The following MCTP1 variants were observed in gnomAD, a reference collection of about 807,000 sequenced individuals.
MCTP1 encodes multiple C2 and transmembrane domain containing 1, also known as multiple C2 and transmembrane domain-containing protein 1.
MCTP1 carries 69 observed loss-of-function variants against 120.6 expected under a neutral mutation model. The observed-to-expected ratio is 0.57, with a 90% CI of 0.47 to 0.70. The LOEUF (loss-of-function observed/expected upper bound fraction) is 0.70. MCTP1 is among the 30% of genes least tolerant of loss of function. MCTP1 has a pLI of 0.00. For synonymous variants in MCTP1, 529 were observed against 493.1 expected (o/e 1.07, Z -0.96); for missense variants, 1,203 against 1,248.8 (o/e 0.96, Z 0.55).
intron 1 of MCTP1, among the ~76,000 whole-genome samples, chr5:95,024,664 C>A (rs1454428113): frequency 6.6e-6 from 1 of 151,594 alleles, no homozygotes; most frequent in African/African-American, 2.4e-5. Flanking sequence ...CACACACACA[C>A]ACACACACAC....
intron 1 of MCTP1, among the ~76,000 whole-genome samples, chr5:95,222,267 T>C (rs1753777468): frequency 6.6e-6 from 1 of 152,196 alleles, no homozygotes; most frequent in African/African-American, 2.4e-5. Flanking sequence ...CACATGGCTA[T>C]GCCTAGCTGC....
chr5:94,878,418 T>C (rs74944162), intron 12 of MCTP1, among the ~76,000 whole-genome samples: 4,976 of 152,124 alleles, frequency 0.033, 286 homozygotes, highest in African/African-American at 0.11. Flanking sequence ...TAATAAGACT[T>C]CTTTTTTTCT....
chr5:94,967,231 T>A (rs1034079411), intron 2 of MCTP1, among the ~76,000 whole-genome samples: 3 of 152,202 alleles, frequency 2.0e-5, no homozygotes, highest in African/African-American at 7.2e-5. Context: ...GTAGAGATGG[T>A]TCCTAGAATC....
intron 1 of MCTP1, among the ~76,000 whole-genome samples, chr5:95,023,191 G>T (rs1197283898): frequency 6.6e-6 from 1 of 152,186 alleles, no homozygotes; most frequent in Non-Finnish European, 1.5e-5. Context: ...CCAGGCTCCA[G>T]TGAACACACA....
chr5:94,891,466 A>C (rs1802591337), intron 11 of MCTP1, among the ~76,000 whole-genome samples: 1 of 152,206 alleles, frequency 6.6e-6, no homozygotes, highest in Non-Finnish European at 1.5e-5. Flanking sequence ...GTTTTATCAA[A>C]AAAAGGTTTC....
intron 18 of MCTP1, among the ~76,000 whole-genome samples, chr5:94,786,029 G>A (rs770754960): frequency 1.9e-4 from 29 of 152,028 alleles, no homozygotes; most frequent in Non-Finnish European, 3.7e-4. Flanking sequence ...ACTACACTTT[G>A]GGAACATTAG....
At chr5:94,905,945 CAAGA>C in intron 10 of MCTP1, among the ~76,000 whole-genome samples, 1 of 151,966 alleles carries the variant, frequency 6.6e-6, no homozygotes, top group Non-Finnish European at 1.5e-5. Flanking sequence ...GCAAAGGAGA[CAAGA>C]AAGAGCATGC....
chr5:94,968,140 T>C (rs1044865075), intron 2 of MCTP1, among the ~76,000 whole-genome samples: 1 of 152,200 alleles, frequency 6.6e-6, no homozygotes, highest in South Asian at 2.1e-4. Context: ...CACTAATCTA[T>C]GTTTGAAAGT....
chr5:95,168,287 T>C (rs1487731172), intron 1 of MCTP1, among the ~76,000 whole-genome samples: 1 of 152,234 alleles, frequency 6.6e-6, no homozygotes, highest in Non-Finnish European at 1.5e-5. Flanking sequence ...CATGCTGTTT[T>C]GGTTACTGTA....
At chr5:94,963,827 A>T (rs886436168) in intron 2 of MCTP1, among the ~76,000 whole-genome samples, 3 of 152,068 alleles carry the variant, frequency 2.0e-5, no homozygotes, top group African/African-American at 7.2e-5. Context: ...ATGTATTCCC[A>T]TGTACCTATC....
At chr5:95,031,070 ATC>A (rs1035007534) in intron 1 of MCTP1, among the ~76,000 whole-genome samples, 1 of 152,136 alleles carries the variant, frequency 6.6e-6, no homozygotes, top group African/African-American at 2.4e-5. Flanking sequence ...CTTTCAAATT[ATC>A]TGAGTCAGAC....
chr5:94,842,284 C>A (rs1322511729), intron 17 of MCTP1, among the ~76,000 whole-genome samples: 1 of 152,082 alleles, frequency 6.6e-6, no homozygotes, highest in East Asian at 1.9e-4. Flanking sequence ...TATTGAGAGA[C>A]TATTAGTATT....
chr5:94,811,908 A>G (rs954163855), intron 17 of MCTP1, among the ~76,000 whole-genome samples: 2 of 152,130 alleles, frequency 1.3e-5, no homozygotes, highest in African/African-American at 4.8e-5. Flanking sequence ...TGACATGGAG[A>G]TGCCGAGATG....
Position 94,909,287 on chromosome 5 carries a change from T to C in MCTP1, c.1616A>G (p.Asp539Gly). 6.2e-7 allele frequency: 1 copy of C among 1,611,758 alleles called. No homozygotes were observed. Among genetic ancestry groups the C allele is most frequent in the South Asian group, 1.1e-5 (1 of 90,526 alleles). ...RGGVIDITAW[D>G]KDAGKRDDFI... ...ATCATCCCTTTTCCCAGCATCTTTG[T>C]CCCATGCAGTGATATCAATGACTCC... Residue 539 changes from aspartate to glycine, a missense_variant, in exon 10 of 23, where the codon GAC becomes GGC. Physicochemically the swap from Asp to Gly is moderately conservative, Grantham distance 94 (BLOSUM62 -1). Transcript: ENST00000515393.
intron 19 of MCTP1, among the ~76,000 whole-genome samples, chr5:94,721,906 C>T (rs1356763389): frequency 4.1e-5 from 6 of 146,500 alleles, no homozygotes; most frequent in Non-Finnish European, 7.5e-5. Context: ...AAAATATCCA[C>T]AACAACAGCT....
At chr5:95,200,109 C>T (rs1368082651) in intron 1 of MCTP1, among the ~76,000 whole-genome samples, 5 of 145,584 alleles carry the variant, frequency 3.4e-5, no homozygotes, top group Non-Finnish European at 6.0e-5. Flanking sequence ...TGCGGTGAGC[C>T]GAGATCGTGC....
intron 1 of MCTP1, among the ~76,000 whole-genome samples, chr5:95,061,406 G>A (rs1749057681): frequency 2.7e-5 from 2 of 73,098 alleles, no homozygotes; most frequent in African/African-American, 4.8e-5. Context: ...AACCCCTTAA[G>A]GGTTTTTTTT....
chr5:95,232,944 C>A (rs1323620046), intron 1 of MCTP1, among the ~76,000 whole-genome samples: 2 of 152,108 alleles, frequency 1.3e-5, no homozygotes, highest in South Asian at 2.1e-4. Flanking sequence ...AGTCTAACAA[C>A]AGAGCTTCAA....
intron 1 of MCTP1, among the ~76,000 whole-genome samples, chr5:95,190,647 T>TA (rs550696403): frequency 4.1e-4 from 60 of 146,196 alleles, no homozygotes; most frequent in South Asian, 6.5e-4. Context: ...GTTTCCTTAC[T>TA]AAAAAAAAAA....
Sources: allele counts gnomAD v4.1 joint callset (sites outside exome capture counted in the v4.1 genomes callset), GRCh38; gene constraint gnomAD v4.1.1; transcripts MANE v1.5; gene names NCBI Gene and HGNC (gene_info 2026-07-23, HGNC 2026-07-21).